The following FAM171A1 variants were observed in gnomAD, a reference collection of about 807,000 sequenced individuals.
FAM171A1 encodes family with sequence similarity 171 member A1, also known as protein FAM171A1.
A neutral mutation model predicts 74.9 loss-of-function variants in FAM171A1; 23 were observed. The ratio of observed to expected loss-of-function variants is 0.31; its 90% CI spans 0.22 to 0.44. The LOEUF is 0.44. FAM171A1 is among the 20% of genes least tolerant of loss of function. FAM171A1 has a pLI of 1.00. For synonymous variants in FAM171A1, 527 were observed against 505.7 expected, an observed-to-expected ratio of 1.04 and a Z score of -0.57; for missense variants, 1,162 against 1,159.2, an observed-to-expected ratio of 1.00 and a Z score of -0.03.
chr10:15,333,522 C>G (rs1429809146), intron 1 of FAM171A1, among the ~76,000 whole-genome samples: 1 of 149,046 alleles, frequency 6.7e-6, no homozygotes, highest in East Asian at 2.0e-4. Context: ...AATAGACAAC[C>G]AATCAACCAA....
intron 5 of FAM171A1, among the ~76,000 whole-genome samples, chr10:15,236,438 G>C (rs1434468134): frequency 6.6e-6 from 1 of 152,030 alleles, no homozygotes; most frequent in Non-Finnish European, 1.5e-5. Flanking sequence ...GGAGGGGCTG[G>C]GGCTATTATG....
Position 15,234,036 on chromosome 10 carries a change from C to A in FAM171A1, c.755-12976G>T, listed in dbSNP as rs562464116. Among the ~76,000 whole-genome samples, 409 of 151,890 alleles carry A rather than the reference C, an allele frequency of 2.7e-3. 1 individual carries two copies. Among genetic ancestry groups the A allele is most frequent in the Non-Finnish European group, 4.3e-3 (291 of 67,968 alleles). ...ATTTTACAGATCTCATATTTGAGGC[C>A]AGAAGCATTAGGTCCAGAGACATTA... On this transcript the variant is annotated intron_variant, in intron 5 of 7. Transcript: ENST00000378116.
At chr10:15,221,169 C>G in intron 5 of FAM171A1, 109 bp from the exon 6 acceptor site, 1 of 881,714 alleles carries the variant, frequency 1.1e-6, no homozygotes, top group South Asian at 2.3e-5. Flanking sequence ...TGTTTATGAC[C>G]TATAAGATAA....
intron 1 of FAM171A1, among the ~76,000 whole-genome samples, chr10:15,357,759 T>A (rs975836700): frequency 1.3e-5 from 2 of 152,186 alleles, no homozygotes; most frequent in Non-Finnish European, 2.9e-5. Flanking sequence ...GATGAATAAA[T>A]GAGCAGGTAA....
rs145254306 is a variant in FAM171A1, at chr10:15,346,744, G to A, written c.97+24212C>T. On this transcript the variant is annotated intron_variant, in intron 1 of 7. Transcript: ENST00000378116. ...TCCACTGAATTCATTTAAAGACACA[G>A]AACAAAAATCAAAGCCCTGTGAACT... is the stretch of plus-strand genomic sequence containing the variant. 5.1e-4 allele frequency among the ~76,000 whole-genome samples: 77 copies of A among 152,294 alleles called. 7 individuals carry two copies. The East Asian group carries it at 0.015, about 29-fold the overall frequency.
chr10:15,212,986 G>C lies in FAM171A1; in HGVS notation c.2602C>G (p.Gln868Glu), dbSNP rs1833910605. Residue 868 changes from glutamine (Q) to glutamate (E), a missense_variant, in exon 8 of 8, where the codon CAA becomes GAA. Physicochemically the swap from Gln to Glu is conservative, Grantham distance 29. Coordinates refer to ENST00000378116, the MANE Select transcript of FAM171A1 (RefSeq NM_001010924.2). ...CAGGGGCTTTTCTTGTCTTCTCCTT[G>C]GTCATCATCATCATCGTCTTCCTCT... ...EEEEDDDDDD[Q>E]GEDKKSPWQK... 2 of 1,613,862 alleles carry C rather than the reference G, an allele frequency of 1.2e-6. No homozygotes were observed. Among genetic ancestry groups the C allele is most frequent in the African/African-American group, 2.7e-5 (2 of 74,854 alleles).
chr10:15,236,282 T>C (rs1431927913), intron 5 of FAM171A1, among the ~76,000 whole-genome samples: 1 of 81,836 alleles, frequency 1.2e-5, no homozygotes, highest in Non-Finnish European at 2.5e-5. Context: ...TATATCATGC[T>C]TCCAAAAAAA....
At chr10:15,232,777 G>C (rs1239516448) in intron 5 of FAM171A1, among the ~76,000 whole-genome samples, 1 of 152,124 alleles carries the variant, frequency 6.6e-6, no homozygotes, top group East Asian at 1.9e-4. Context: ...ACTGGGAAAG[G>C]GGATTTGGAG....
At chr10:15,260,756 T>A (rs911059867) in intron 3 of FAM171A1, among the ~76,000 whole-genome samples, 1 of 152,152 alleles carries the variant, frequency 6.6e-6, no homozygotes, top group Admixed American at 6.5e-5. Flanking sequence ...TTGGGCCAGG[T>A]AGTTCTTTGT....
intron 3 of FAM171A1, among the ~76,000 whole-genome samples, chr10:15,263,741 G>GTCTGTCTATCTATCTATCTA (rs1428115509): frequency 1.6e-4 from 22 of 140,536 alleles, no homozygotes; most frequent in East Asian, 2.0e-4. Flanking sequence ...CTATCTGTCT[G>GTCTGTCTATCTATCTATCTA]TCTATCTATC....
chr10:15,326,862 A>C (rs1007958140), intron 1 of FAM171A1, among the ~76,000 whole-genome samples: 2 of 152,168 alleles, frequency 1.3e-5, no homozygotes, highest in African/African-American at 4.8e-5. Flanking sequence ...TCCTGACCTC[A>C]AGTGATCCAC....
intron 1 of FAM171A1, among the ~76,000 whole-genome samples, chr10:15,332,506 G>C (rs1835651856): frequency 6.6e-6 from 1 of 152,098 alleles, no homozygotes; most frequent in African/African-American, 2.4e-5. Context: ...GGCGCTGCTT[G>C]GCAATGCTTT....
chr10:15,254,423 A>G (rs1278512958), intron 4 of FAM171A1, among the ~76,000 whole-genome samples: 2 of 152,262 alleles, frequency 1.3e-5, no homozygotes, highest in Admixed American at 6.5e-5. Context: ...CAATTTCAAT[A>G]AGAATTTCTC....
Position 15,236,080 on chromosome 10 carries a change from C to T in FAM171A1, c.754+12559G>A, listed in dbSNP as rs1834284730. Among the ~76,000 whole-genome samples, 6 of 152,238 alleles carry T rather than the reference C, an allele frequency of 3.9e-5. No individual in the cohort carries two copies. In the South Asian group the frequency reaches 1.2e-3, roughly 32 times the overall value. On this transcript the variant is annotated intron_variant, in intron 5 of 7. Coordinates refer to ENST00000378116, the MANE Select transcript of FAM171A1 (RefSeq NM_001010924.2). ...GCTGTACCCAAATTAAAAGGCACCA[C>T]TTATTGTGAACTTTAAAGTTATTTG...
At chr10:15,258,207 CCCA>C (rs1834608135) in intron 3 of FAM171A1, among the ~76,000 whole-genome samples, 1 of 151,948 alleles carries the variant, frequency 6.6e-6, no homozygotes, top group South Asian at 2.1e-4. Context: ...ATTACAAGTG[CCCA>C]CCACCACACC....
chr10:15,239,911 C>T (rs1264883521), intron 5 of FAM171A1, among the ~76,000 whole-genome samples: 5 of 152,212 alleles, frequency 3.3e-5, no homozygotes, highest in Admixed American at 6.5e-5. Context: ...ATCTGAAAAT[C>T]CAAAATCCAA....
intron 1 of FAM171A1, among the ~76,000 whole-genome samples, chr10:15,299,115 C>T (rs1013310014): frequency 3.3e-5 from 5 of 152,218 alleles, no homozygotes; most frequent in South Asian, 2.1e-4. Context: ...GACAGGGTTT[C>T]GCCACGTTGG....
At chr10:15,251,530 G>A (rs1834508290) in intron 4 of FAM171A1, among the ~76,000 whole-genome samples, 1 of 151,634 alleles carries the variant, frequency 6.6e-6, no homozygotes, top group African/African-American at 2.4e-5. Context: ...AGCCTCCTGA[G>A]TAGCTGGGAC....
At chr10:15,312,671 GTGTTTTTTTTTTTTTTTTTTTT>G (rs1835374778) in intron 1 of FAM171A1, among the ~76,000 whole-genome samples, 2 of 51,882 alleles carry the variant, frequency 3.9e-5, no homozygotes, top group African/African-American at 1.5e-4. Context: ...TCAGCACTGT[GTGTTTTTTTTTTTTTTTTTTTT>G]TTTTTTTTTT....
Sources: gnomAD v4.1 joint callset for allele counts (sites outside exome capture counted in the v4.1 genomes callset) on GRCh38, gnomAD v4.1.1 for gene constraint, MANE v1.5 for transcripts, NCBI Gene and HGNC (gene_info 2026-07-23, HGNC 2026-07-21) for gene names.